The following MAGI2 variants were observed in gnomAD, a reference collection of about 807,000 sequenced individuals.
MAGI2 encodes membrane-associated guanylate kinase, WW and PDZ domain-containing protein 2.
MAGI2 carries 35 observed loss-of-function variants against 133.3 expected under a neutral mutation model. The observed-to-expected ratio is 0.26, with a 90% CI of 0.20 to 0.35. The LOEUF (loss-of-function observed/expected upper bound fraction) is 0.35, where lower values mean the gene tolerates loss of function less well. MAGI2 is among the 10% of genes least tolerant of loss of function. The pLI is 1.00. For synonymous variants in MAGI2, 729 were observed against 710.6 expected, an observed-to-expected ratio of 1.03 and a Z score of -0.41; for missense variants, 1,636 against 1,863.4, an observed-to-expected ratio of 0.88 and a Z score of 2.25.
intron 2 of MAGI2, among the ~76,000 whole-genome samples, chr7:78,629,382 A>G (rs1208480662): frequency 1.3e-5 from 2 of 152,160 alleles, no homozygotes; most frequent in Non-Finnish European, 2.9e-5. Flanking sequence ...CTTTGACATC[A>G]GTTTCTGATC....
rs144746191 is a variant in MAGI2 at position 78,821,997 on chromosome 7, G to A, written c.418+185093C>T. The stretch of plus-strand genomic sequence containing the variant: ...ACAATCAAAATATACATTTTAAGTT[G>A]GCTGTATCCACAGATATTCAATTTT... On this transcript the variant is annotated intron_variant, in intron 2 of 21. Transcript: ENST00000354212. 3.0e-3 allele frequency among the ~76,000 whole-genome samples: 457 copies of A among 152,020 alleles called. 1 individual carries two copies. The highest frequency in any genetic ancestry group is 0.01 in the African/African-American group (432 of 41,508).
At chr7:79,314,263 C>A (rs1476111993) in intron 1 of MAGI2, among the ~76,000 whole-genome samples, 1 of 151,924 alleles carries the variant, frequency 6.6e-6, no homozygotes, top group African/African-American at 2.4e-5. Context: ...CATGAGCCAC[C>A]CTTCTTGGCC....
intron 2 of MAGI2, among the ~76,000 whole-genome samples, chr7:78,776,431 A>G (rs1454344690): frequency 6.6e-6 from 1 of 152,240 alleles, no homozygotes; most frequent in Non-Finnish European, 1.5e-5. Context: ...TGAGACATTT[A>G]TGATCTCCTT....
At chr7:78,894,650 TTAA>T (rs1797060841) in intron 2 of MAGI2, among the ~76,000 whole-genome samples, 1 of 151,970 alleles carries the variant, frequency 6.6e-6, no homozygotes, top group African/African-American at 2.4e-5. Context: ...CAGTTTAAAT[TTAA>T]GATTAAAAAT....
At chr7:78,363,309 C>T (rs545710177) in intron 7 of MAGI2, among the ~76,000 whole-genome samples, 1 of 152,000 alleles carries the variant, frequency 6.6e-6, no homozygotes, top group Non-Finnish European at 1.5e-5. Flanking sequence ...CTGGTTAACA[C>T]GGTGAAACCC....
intron 1 of MAGI2, among the ~76,000 whole-genome samples, chr7:79,373,246 A>G (rs1843167876): frequency 6.6e-6 from 1 of 151,912 alleles, no homozygotes; most frequent in South Asian, 2.1e-4. Context: ...AGTTATGTTT[A>G]TTTTTACATG....
chr7:79,414,294 G>C (rs139951718), intron 1 of MAGI2: 1 of 152,224 alleles, frequency 6.6e-6, no homozygotes, highest in African/African-American at 2.4e-5. Context: ...GGTTGCACTT[G>C]ACCTTCCTCT....
chr7:78,893,273 C>T (rs1327728828), intron 2 of MAGI2, among the ~76,000 whole-genome samples: 1 of 152,184 alleles, frequency 6.6e-6, no homozygotes. Flanking sequence ...CACTTTTACA[C>T]TGTTGGTGGG....
At chr7:78,569,083 C>T (rs1215227142) in intron 3 of MAGI2, among the ~76,000 whole-genome samples, 1 of 151,966 alleles carries the variant, frequency 6.6e-6, no homozygotes, top group African/African-American at 2.4e-5. Context: ...TGACCATGCA[C>T]CGTGACCACA....
chr7:79,367,982 C>T (rs948529238), intron 1 of MAGI2, among the ~76,000 whole-genome samples: 4 of 151,226 alleles, frequency 2.6e-5, no homozygotes, highest in African/African-American at 9.8e-5. Flanking sequence ...CACGCCTTGA[C>T]CCAAGCTTGT....
intron 3 of MAGI2, among the ~76,000 whole-genome samples, chr7:78,563,950 T>G (rs909149924): frequency 3.3e-5 from 5 of 152,200 alleles, no homozygotes; most frequent in Admixed American, 2.6e-4. Context: ...AGGCCTAAAT[T>G]AAATTGGATT....
chr7:79,438,944 T>A (rs919556778), intron 1 of MAGI2, among the ~76,000 whole-genome samples: 2 of 152,188 alleles, frequency 1.3e-5, no homozygotes, highest in African/African-American at 4.8e-5. Context: ...ATAGGCTTTA[T>A]CCGCCTTCAG....
chr7:78,361,594 T>C (rs2151237216), intron 7 of MAGI2, among the ~76,000 whole-genome samples: 1 of 152,310 alleles, frequency 6.6e-6, no homozygotes, highest in South Asian at 2.1e-4. Context: ...AAAAAGAACA[T>C]TTATATACAT....
chr7:78,519,092 T>C (rs1432220985), intron 4 of MAGI2: 1 of 139,102 alleles, frequency 7.2e-6, no homozygotes, highest in African/African-American at 2.8e-5. Flanking sequence ...ATGTGAAGAA[T>C]GTGAAGAACA....
intron 1 of MAGI2, among the ~76,000 whole-genome samples, chr7:79,292,146 C>T (rs1022227143): frequency 6.6e-6 from 1 of 152,024 alleles, no homozygotes; most frequent in African/African-American, 2.4e-5. Context: ...TATTTCAGTA[C>T]CATTTTTTGA....
At chr7:78,989,470 A>G (rs1390737417) in intron 2 of MAGI2, among the ~76,000 whole-genome samples, 3 of 152,054 alleles carry the variant, frequency 2.0e-5, no homozygotes, top group Non-Finnish European at 2.9e-5. Flanking sequence ...AAGGAGGAAA[A>G]GAAAACTCCA....
At chr7:78,470,006 T>C (rs1388331725) in intron 6 of MAGI2, among the ~76,000 whole-genome samples, 3 of 152,176 alleles carry the variant, frequency 2.0e-5, no homozygotes, top group African/African-American at 7.2e-5. Flanking sequence ...CGTAGACACA[T>C]GCAGTCTTCC....
At chr7:78,754,263 A>G (rs1823731525) in intron 2 of MAGI2, among the ~76,000 whole-genome samples, 1 of 151,630 alleles carries the variant, frequency 6.6e-6, no homozygotes. Flanking sequence ...CCCAGCTACT[A>G]GGGAGGCTGA....
chr7:78,711,638 C>T (rs1436212252), intron 2 of MAGI2, among the ~76,000 whole-genome samples: 1 of 152,002 alleles, frequency 6.6e-6, no homozygotes, highest in Non-Finnish European at 1.5e-5. Flanking sequence ...CTTCTTACCT[C>T]CTTCCTAAGA....
Sources: gnomAD v4.1 joint callset for allele counts (sites outside exome capture counted in the v4.1 genomes callset) on GRCh38, gnomAD v4.1.1 for gene constraint, MANE v1.5 for transcripts, NCBI Gene and HGNC (gene_info 2026-07-23, HGNC 2026-07-21) for gene names.